CCDC59: variants seen among roughly 807,000 people sequenced by gnomAD.
The protein encoded by CCDC59 is coiled-coil domain containing 59.
Under a neutral mutation model 30.5 loss-of-function variants are expected in CCDC59, and 27 were observed. The observed-to-expected ratio is 0.89, with a 90% CI of 0.65 to 1.22. The LOEUF is 1.22. Among genes scored for constraint, CCDC59 ranks in the 50% most tolerant of loss-of-function variants. The pLI is 0.00. For synonymous variants in CCDC59, 125 were observed against 100.9 expected, an observed-to-expected ratio of 1.24 and a Z score of -1.43; for missense variants, 362 against 284.4, an observed-to-expected ratio of 1.27 and a Z score of -1.96.
At chr12:82,354,356 G>A (rs754862285) in intron 3 of CCDC59, 139 bp downstream of exon 3, 28 of 562,626 alleles carry the variant, frequency 5.0e-5, no homozygotes, top group Non-Finnish European at 7.2e-5. Flanking sequence ...CTCTACCTTT[G>A]CTCAGACTAC....
At chr12:82,355,680 AGGGCATCCACT>A (rs1373906005) in intron 2 of CCDC59, 2 of 152,190 alleles carry the variant, frequency 1.3e-5, no homozygotes, top group African/African-American at 4.8e-5. Flanking sequence ...TTGCAGTTTC[AGGGCATCCACT>A]GGGGGTCTTG....
At chr12:82,354,972 A>G (rs1313220831) in intron 2 of CCDC59, 1 of 161,030 alleles carries the variant, frequency 6.2e-6, no homozygotes, top group African/African-American at 2.4e-5. Context: ...GGATCTAGAT[A>G]CCATTTTGAA....
At chr12:82,354,254 T>C (rs756292806) in intron 3 of CCDC59, among the ~76,000 whole-genome samples, 25 of 152,126 alleles carry the variant, frequency 1.6e-4, no homozygotes, top group Non-Finnish European at 2.8e-4. Flanking sequence ...GTTCACAATA[T>C]TGACCTATAA....
chr12:82,355,984 C>A (rs1880994561), intron 2 of CCDC59: 1 of 152,138 alleles, frequency 6.6e-6, no homozygotes. Context: ...TTTCCCTGAA[C>A]TTTATACTGA....
chr12:82,357,602 T>C (rs1881136928), intron 1 of CCDC59, among the ~76,000 whole-genome samples: 1 of 152,056 alleles, frequency 6.6e-6, no homozygotes, highest in Non-Finnish European at 1.5e-5. Context: ...AAACACTTAA[T>C]CTGAGCCTTC....
In CCDC59 at chr12:82,357,257, G is replaced by A; in HGVS notation, c.167C>T (p.Ala56Val). ...VGSVREGQGF[A>V]FRRKLKIQQS... is the part of the protein sequence containing the mutation. The stretch of plus-strand genomic sequence containing the variant: ...CTGTATTTTCAGTTTTCTTCGAAAA[G>A]CAAAGCCTTGTCCTACATTGAGGAA... Residue 56 changes from alanine to valine, a missense_variant, in exon 2 of 4, where the codon GCT becomes GTT. Ala to Val is a moderately conservative substitution (Grantham distance 64). Coordinates refer to ENST00000256151, the MANE Select transcript of CCDC59 (RefSeq NM_014167.5). 1.2e-6 allele frequency: 2 copies of A among 1,603,200 alleles called. No homozygotes were observed. The highest frequency in any genetic ancestry group is 1.7e-6 in the Non-Finnish European group (2 of 1,176,946).
chr12:82,357,413 A>G, intron 1 of CCDC59, 144 bp from the exon 2 acceptor site: 1 of 701,096 alleles, frequency 1.4e-6, no homozygotes, highest in Non-Finnish European at 2.3e-6. Flanking sequence ...AATTATTTCA[A>G]GCAACAAATT....
rs778201527 is a variant in CCDC59, at chr12:82,358,300, C to T, written c.77G>A (p.Gly26Glu). Residue 26 changes from glycine (G) to glutamate (E), a missense_variant, in exon 1 of 4, where the codon GGG (glycine) becomes GAG (glutamate). Physicochemically the swap from Gly to Glu is moderately conservative, Grantham distance 98 (BLOSUM62 -2). Coordinates refer to ENST00000256151, the MANE Select transcript of CCDC59 (RefSeq NM_014167.5). ...CTGTCTCACATTCTTATTCCTGTAC[C>T]CGACAGTGGAAACCCCTTCACCACG... ...EARGEGVSTV[G>E]YRNKNVRQKT... The T allele has an allele frequency of 2.5e-6, 4 of 1,614,184 alleles. No individual in the cohort carries two copies. Among genetic ancestry groups the T allele is most frequent in the African/African-American group, 1.3e-5 (1 of 75,054 alleles).
At position 82,354,605 on chromosome 12, in the gene CCDC59, G is replaced by A; in HGVS notation, c.465-11C>T. ...GGAATTGTAAAGGAGCTTTTAATTG[G>A]GGGATGAGGAAACAGGACTTTATTA... On this transcript the variant is annotated splice_polypyrimidine_tract_variant and intron_variant, in intron 2 of 3. Transcript: ENST00000256151. 1 of 1,560,766 alleles carries A rather than the reference G, an allele frequency of 6.4e-7. No individual in the cohort carries two copies. Among genetic ancestry groups the A allele is most frequent in the Middle Eastern group, 1.7e-4 (1 of 5,938 alleles).
chr12:82,358,563 G>C, upstream of CCDC59: 8 of 1,609,460 alleles, frequency 5.0e-6, no homozygotes, highest in Non-Finnish European at 6.8e-6. Flanking sequence ...GAGGGTGAGC[G>C]TCATGGCGGC....
At position 82,357,043 on chromosome 12, in the gene CCDC59, C is replaced by T. The variant is rs1881067978; in HGVS notation, c.381G>A (p.Gln127=). The T allele has an allele frequency of 4.3e-6, 7 of 1,614,184 alleles. No homozygotes were observed. The highest frequency in any genetic ancestry group is 5.9e-6 in the Non-Finnish European group (7 of 1,180,022). The change falls in exon 2 of 4, where the codon CAG becomes CAA. Residue 127 remains glutamine (Q), a synonymous_variant. Coordinates refer to ENST00000256151, the MANE Select transcript of CCDC59 (RefSeq NM_014167.5). ...CAAATAAAGGCTCGTCAATGCTACA[C>T]TGTTCTTCAAGCAACGGCTGGTGAA... ...EQVHQPLLEE[Q]CSIDEPLFED...
rs1881209599 is a variant in CCDC59, at chr12:82,358,226, C to T, written c.151G>A (p.Glu51Lys). 1.9e-6 allele frequency: 3 copies of T among 1,614,076 alleles called. No individual in the cohort carries two copies. The highest frequency in any genetic ancestry group is 2.2e-5 in the South Asian group (2 of 91,084). ...AAATGGTTGCCTTCTTACATACCCT[C>T]GCGAACGCTCCCCACGAAGGCTTGC... Reference protein sequence around the residue: ...HPQAFVGSVREGQGFAFRRKL... With the variant: ...HPQAFVGSVRKGQGFAFRRKL... Residue 51 changes from glutamate to lysine, a missense_variant, in exon 1 of 4, where the codon GAG (glutamate) becomes AAG (lysine). Coordinates refer to ENST00000256151, the MANE Select transcript of CCDC59 (RefSeq NM_014167.5).
chr12:82,357,459 C>T lies in CCDC59; in HGVS notation c.155-190G>A, dbSNP rs141564867. On this transcript the variant is annotated intron_variant, in intron 1 of 3. Transcript: ENST00000256151. ...GATTGCATAGTAAGTTGGCCCTTTGCAAAAAGACCAGGCTAACAGTCATGC... is the reference window on the plus strand; with the variant it reads ...GATTGCATAGTAAGTTGGCCCTTTGTAAAAAGACCAGGCTAACAGTCATGC... 9.7e-4 allele frequency: 567 copies of T among 581,876 alleles called. 2 individuals carry two copies. Among genetic ancestry groups the T allele is most frequent in the African/African-American group, 9.5e-3 (509 of 53,592 alleles). 36.0% of individuals were successfully genotyped at this position (581,876 alleles called of 1,614,324 possible).
upstream of CCDC59, chr12:82,358,409 C>A (rs750950728): frequency 6.2e-7 from 1 of 1,610,454 alleles, no homozygotes; most frequent in South Asian, 1.1e-5. Flanking sequence ...CAGAAGACCA[C>A]GACGGACGCC....
At chr12:82,357,398 T>TA in intron 1 of CCDC59, 129 bp from the exon 2 acceptor site, 1 of 762,316 alleles carries the variant, frequency 1.3e-6, no homozygotes, top group Non-Finnish European at 2.1e-6. Flanking sequence ...TATTTTGCTT[T>TA]AAAAAATTAT....
At position 82,358,283 on chromosome 12, in the gene CCDC59, C is replaced by A. The variant is rs1361408099; in HGVS notation, c.94G>T (p.Val32Leu). ...TTAGGCCGCCATGTCTTCTGTCTCA[C>A]ATTCTTATTCCTGTACCCGACAGTG... ...VSTVGYRNKN[V>L]RQKTWRPNHP... Residue 32 changes from valine to leucine, a missense_variant, in exon 1 of 4, where the codon GTG (valine) becomes TTG (leucine). Transcript: ENST00000256151. 6.2e-7 allele frequency: 1 copy of A among 1,614,094 alleles called. No homozygotes were observed. Among genetic ancestry groups the A allele is most frequent in the Non-Finnish European group, 8.5e-7 (1 of 1,180,044 alleles).
At position 82,352,481 on chromosome 12, in the gene CCDC59, AG is replaced by A. The variant is rs997380791; in HGVS notation, c.*669del. ...CAGCTCACAAGGGTACCAACAAGGG[AG>A]ACAGAGATAATGTTCTTAAAGTATA... On this transcript the variant is annotated 3_prime_UTR_variant, in exon 4 of 4. Coordinates refer to ENST00000256151, the MANE Select transcript of CCDC59 (RefSeq NM_014167.5). 2 of 152,238 alleles carry A rather than the reference AG, an allele frequency of 1.3e-5. No homozygotes were observed. Among genetic ancestry groups the A allele is most frequent in the Admixed American group, 1.3e-4 (2 of 15,286 alleles). 9.4% of individuals were successfully genotyped at this position (152,238 alleles called of 1,614,324 possible). A position where few individuals can be genotyped will look rare whatever the true frequency, so the allele number is the denominator to read the frequency against.
chr12:82,354,172 T>A (rs909351113), intron 3 of CCDC59, among the ~76,000 whole-genome samples: 1 of 152,116 alleles, frequency 6.6e-6, no homozygotes, highest in African/African-American at 2.4e-5. Context: ...TTATCATACA[T>A]AAAAATCTTT....
chr12:82,354,463 A>C (rs1371721872), intron 3 of CCDC59, 32 bp downstream of exon 3: 2 of 1,508,968 alleles, frequency 1.3e-6, no homozygotes, highest in Non-Finnish European at 1.8e-6. Flanking sequence ...AATAAGAAAA[A>C]CTATACTAAA....
Sources: allele counts gnomAD v4.1 joint callset (sites outside exome capture counted in the v4.1 genomes callset), GRCh38; gene constraint gnomAD v4.1.1; transcripts MANE v1.5; gene names NCBI Gene and HGNC (gene_info 2026-07-23, HGNC 2026-07-21).